Variants in RNF180 observed in about 807,000 individuals in gnomAD.
RNF180 encodes ring finger protein 180.
A neutral mutation model predicts 59.2 loss-of-function variants in RNF180; 38 were observed. That is an observed-to-expected ratio of 0.64 (90% CI 0.50 to 0.84). The LOEUF (loss-of-function observed/expected upper bound fraction) is 0.84, where lower values mean the gene tolerates loss of function less well. Ranked by LOEUF, RNF180 falls within the 40% of genes least tolerant of loss-of-function variation. The pLI is 0.00. For missense variants in RNF180, 705 were observed against 700.9 expected, an observed-to-expected ratio of 1.01 and a Z score of -0.07; for synonymous variants, 262 against 240.3, an observed-to-expected ratio of 1.09 and a Z score of -0.84.
intron 7 of RNF180, among the ~76,000 whole-genome samples, chr5:64,344,642 G>A (rs2112569739): frequency 6.6e-6 from 1 of 152,212 alleles, no homozygotes; most frequent in East Asian, 1.9e-4. Context: ...CAAAGTCAGT[G>A]CTTTGGAGTG....
At chr5:64,315,972 T>C (rs911623343) in intron 5 of RNF180, among the ~76,000 whole-genome samples, 1 of 152,198 alleles carries the variant, frequency 6.6e-6, no homozygotes, top group Non-Finnish European at 1.5e-5. Context: ...GCCCGCTGCC[T>C]TGATTCACAC....
intron 5 of RNF180, among the ~76,000 whole-genome samples, chr5:64,269,259 G>T (rs759889231): frequency 3.9e-5 from 6 of 152,058 alleles, no homozygotes; most frequent in East Asian, 1.9e-4. Context: ...TTGAGACAGG[G>T]TCTCACTCTG....
chr5:64,327,562 A>G (rs772539414), intron 6 of RNF180, among the ~76,000 whole-genome samples: 5 of 152,138 alleles, frequency 3.3e-5, no homozygotes, highest in African/African-American at 9.7e-5. Flanking sequence ...ATATTGTTCA[A>G]TGTCCACATA....
chr5:64,291,072 T>G (rs1742556821), intron 5 of RNF180, among the ~76,000 whole-genome samples: 2 of 152,172 alleles, frequency 1.3e-5, no homozygotes, highest in Non-Finnish European at 2.9e-5. Flanking sequence ...AAAGGACTTA[T>G]TTCTCCTTCA....
intron 5 of RNF180, among the ~76,000 whole-genome samples, chr5:64,255,208 TTTA>T (rs1189671686): frequency 6.6e-6 from 1 of 152,168 alleles, no homozygotes. Flanking sequence ...ACTTTCTTTT[TTTA>T]TTATTATTAT....
At chr5:64,294,918 A>T (rs1742808746) in intron 5 of RNF180, among the ~76,000 whole-genome samples, 1 of 152,132 alleles carries the variant, frequency 6.6e-6, no homozygotes, top group Non-Finnish European at 1.5e-5. Flanking sequence ...AAGTTTCTTT[A>T]TTCCCCTCTC....
At chr5:64,210,786 G>A (rs1317275870) in intron 2 of RNF180, among the ~76,000 whole-genome samples, 2 of 152,088 alleles carry the variant, frequency 1.3e-5, no homozygotes, top group Admixed American at 6.6e-5. Flanking sequence ...CTGGTATAGG[G>A]GATGGCACTG....
At chr5:64,169,246 A>G (rs1250425773) in intron 1 of RNF180, among the ~76,000 whole-genome samples, 1 of 152,164 alleles carries the variant, frequency 6.6e-6, no homozygotes, top group East Asian at 1.9e-4. Context: ...TGTTGTAAAT[A>G]TTATTTAACA....
At chr5:64,347,200 C>A (rs1745591200) in intron 7 of RNF180, among the ~76,000 whole-genome samples, 1 of 152,144 alleles carries the variant, frequency 6.6e-6, no homozygotes, top group African/African-American at 2.4e-5. Flanking sequence ...AACAACAGCA[C>A]CCTGGGGAAA....
At chr5:64,170,165 A>C (rs1484873416) in intron 1 of RNF180, among the ~76,000 whole-genome samples, 2 of 152,234 alleles carry the variant, frequency 1.3e-5, no homozygotes, top group Admixed American at 1.3e-4. Flanking sequence ...ACTGCTTCCC[A>C]GTTCTGTTGT....
chr5:64,360,944 A>G (rs1490317254), intron 7 of RNF180, among the ~76,000 whole-genome samples: 1 of 151,694 alleles, frequency 6.6e-6, no homozygotes, highest in Non-Finnish European at 1.5e-5. Context: ...GGCATTAAAT[A>G]TGCTATATTC....
chr5:64,172,568 T>C (rs1284407932), intron 1 of RNF180, among the ~76,000 whole-genome samples: 1 of 152,244 alleles, frequency 6.6e-6, no homozygotes, highest in Non-Finnish European at 1.5e-5. Context: ...GAGACTTGGA[T>C]ACTTGCAGCA....
In RNF180 at chr5:64,213,541, T is replaced by C. The variant is rs1456553328; in HGVS notation, c.232-17T>C. On this transcript the variant is annotated splice_polypyrimidine_tract_variant and intron_variant, in intron 3 of 7. Coordinates refer to ENST00000389100, the MANE Select transcript of RNF180 (RefSeq NM_001113561.2). ...TATAATGAAAGCACTGTCTTTATTC[T>C]TCTTTATTACCTGTAGGCCCAGTGG... 3 of 1,583,616 alleles carry C rather than the reference T, an allele frequency of 1.9e-6. No homozygotes were observed. In the South Asian group the frequency reaches 3.4e-5, roughly 18 times the overall value.
At chr5:64,303,837 A>G (rs529632502) in intron 5 of RNF180, among the ~76,000 whole-genome samples, 1 of 151,788 alleles carries the variant, frequency 6.6e-6, no homozygotes, top group East Asian at 1.9e-4. Context: ...TTTTCAATGC[A>G]GACATAACAG....
Position 64,251,663 on chromosome 5 carries a change from C to T in RNF180, c.1227+34267C>T, listed in dbSNP as rs114752218. On this transcript the variant is annotated intron_variant, in intron 5 of 7. Transcript: ENST00000389100. ...ATGGTCTGGCCTCAGGCAATCTTCC[C>T]ACCTTGGCCTCCCAGGTGACGTTGC... is the stretch of plus-strand genomic sequence containing the variant. 5.1e-3 allele frequency among the ~76,000 whole-genome samples: 784 copies of T among 152,256 alleles called. 6 individuals are homozygous for T. Among genetic ancestry groups the T allele is most frequent in the African/African-American group, 0.017 (725 of 41,542 alleles).
intron 1 of RNF180, among the ~76,000 whole-genome samples, chr5:64,192,923 A>G (rs1244472647): frequency 1.4e-5 from 2 of 141,074 alleles, no homozygotes; most frequent in Non-Finnish European, 3.0e-5. Flanking sequence ...ATATATATAT[A>G]TATATATATA....
At chr5:64,276,141 A>G (rs183285504) in intron 5 of RNF180, among the ~76,000 whole-genome samples, 103 of 152,228 alleles carry the variant, frequency 6.8e-4, no homozygotes, top group African/African-American at 2.2e-3. Context: ...GACCTTCCAA[A>G]TCTATTATTT....
Position 64,267,509 on chromosome 5 carries a change from C to A in RNF180, c.1227+50113C>A, listed in dbSNP as rs546508329. ...CAATGCTATCCCTCCCCACTCCCCCCACCCCACAACAGTCCCCAGAGTGTG... is the reference window on the plus strand; with the variant it reads ...CAATGCTATCCCTCCCCACTCCCCCAACCCCACAACAGTCCCCAGAGTGTG... On this transcript the variant is annotated intron_variant, in intron 5 of 7. Transcript: ENST00000389100. 8.7e-3 allele frequency among the ~76,000 whole-genome samples: 1,318 copies of A among 151,976 alleles called. 12 individuals are homozygous for A. Among genetic ancestry groups the A allele is most frequent in the Non-Finnish European group, 0.014 (926 of 67,952 alleles).
intron 5 of RNF180, among the ~76,000 whole-genome samples, chr5:64,233,414 A>T (rs553474691): frequency 6.6e-6 from 1 of 152,366 alleles, no homozygotes; most frequent in East Asian, 1.9e-4. Context: ...AATAATTTTA[A>T]GGAAGCTAGA....
Sources: gnomAD v4.1 joint callset for allele counts (sites outside exome capture counted in the v4.1 genomes callset) on GRCh38, gnomAD v4.1.1 for gene constraint, MANE v1.5 for transcripts, NCBI Gene and HGNC (gene_info 2026-07-23, HGNC 2026-07-21) for gene names.